BTRC: variants seen among roughly 807,000 people sequenced by gnomAD.
BTRC encodes the protein beta-transducin repeat containing E3 ubiquitin protein ligase, also known as F-box/WD repeat-containing protein 1A.
BTRC carries 42 observed loss-of-function variants against 85.5 expected under a neutral mutation model. The observed-to-expected ratio is 0.49, with a 90% CI of 0.38 to 0.64. BTRC has a LOEUF of 0.64. BTRC is among the 30% of genes least tolerant of loss of function. The pLI is 0.00. For synonymous variants in BTRC, 255 were observed against 263.3 expected, an observed-to-expected ratio of 0.97 and a Z score of 0.30; for missense variants, 594 against 743.5, an observed-to-expected ratio of 0.80 and a Z score of 2.34.
intron 3 of BTRC, among the ~76,000 whole-genome samples, chr10:101,471,303 G>A (rs1218489401): frequency 6.6e-6 from 1 of 152,076 alleles, no homozygotes. Context: ...TGGGAGGATC[G>A]CTGGAGCCCA....
intron 11 of BTRC, among the ~76,000 whole-genome samples, chr10:101,536,155 G>C (rs553113656): frequency 6.6e-6 from 1 of 152,310 alleles, no homozygotes; most frequent in Admixed American, 6.5e-5. Flanking sequence ...AGAGGGGGAG[G>C]TGCTTTGTGA....
In BTRC at chr10:101,423,951, C is replaced by T. The variant is rs773687234; in HGVS notation, c.49-6394C>T. Among the ~76,000 whole-genome samples the T allele has an allele frequency of 1.8e-4, 27 of 152,108 alleles. 1 individual carries two copies. Among genetic ancestry groups the T allele is most frequent in the South Asian group, 8.3e-4 (4 of 4,824 alleles). ...CAGCTTTTAGAATCCTTATTTTAGC[C>T]GGGTGAGGTGGCTCGTGCCTGTAAT... is the stretch of plus-strand genomic sequence containing the variant. On this transcript the variant is annotated intron_variant, in intron 1 of 14. Transcript: ENST00000370187.
At chr10:101,409,767 T>C (rs185114200) in intron 1 of BTRC, among the ~76,000 whole-genome samples, 1 of 152,372 alleles carries the variant, frequency 6.6e-6, no homozygotes, top group East Asian at 1.9e-4. Context: ...AAAAATGTCA[T>C]TGTGCAGTGC....
intron 13 of BTRC, among the ~76,000 whole-genome samples, chr10:101,539,897 T>A (rs2062440605): frequency 6.6e-6 from 1 of 152,222 alleles, no homozygotes; most frequent in South Asian, 2.1e-4. Context: ...CTCTAATGAT[T>A]AATAATGTCA....
intron 1 of BTRC, among the ~76,000 whole-genome samples, chr10:101,373,188 T>C (rs1942689338): frequency 6.6e-6 from 1 of 152,242 alleles, no homozygotes; most frequent in South Asian, 2.1e-4. Flanking sequence ...AACATGTGAA[T>C]ACTTTTTCCT....
chr10:101,447,990 T>G (rs992010936), intron 2 of BTRC, among the ~76,000 whole-genome samples: 1 of 152,146 alleles, frequency 6.6e-6, no homozygotes, highest in Non-Finnish European at 1.5e-5. Context: ...GGGGTAATTT[T>G]GAGAACAGAA....
chr10:101,456,182 GAA>G (rs1945078419), intron 2 of BTRC, among the ~76,000 whole-genome samples: 1 of 147,952 alleles, frequency 6.8e-6, no homozygotes, highest in Non-Finnish European at 1.5e-5. Flanking sequence ...AAAAAAAAAA[GAA>G]TGATGATTGC....
chr10:101,521,821 C>T lies in BTRC; in HGVS notation c.507C>T (p.Asn169=), dbSNP rs766389668. 3 of 1,613,826 alleles carry T rather than the reference C, an allele frequency of 1.9e-6. No individual in the cohort carries two copies. The highest frequency in any genetic ancestry group is 2.2e-5 in the South Asian group (2 of 91,076). ...GTCATTACCAACATGGGCACATAAA[C>T]TCGTATCTTAAACCTATGTTGCAGA... ...QMCHYQHGHI[N]SYLKPMLQRD... Residue 169 remains asparagine, a synonymous_variant, in exon 5 of 15, where the codon AAC becomes AAT. Coordinates refer to ENST00000370187, the MANE Select transcript of BTRC (RefSeq NM_033637.4).
At chr10:101,520,888 G>A (rs2062094820) in intron 4 of BTRC, among the ~76,000 whole-genome samples, 1 of 152,108 alleles carries the variant, frequency 6.6e-6, no homozygotes, top group Admixed American at 6.6e-5. Context: ...TTCTCCGCCT[G>A]GGAGGTGGAA....
chr10:101,503,232 A>G (rs1246569781), intron 4 of BTRC, among the ~76,000 whole-genome samples: 2 of 152,146 alleles, frequency 1.3e-5, no homozygotes, highest in African/African-American at 4.8e-5. Context: ...TTTGAGTCTC[A>G]GTGCATATGT....
chr10:101,550,907 A>G lies in BTRC; in HGVS notation c.*31+16A>G. ...ACTTGCCCAGGTATCGAAATCGATT[A>G]TGTACATAACACTGTGGGTAGGAGA... is the stretch of plus-strand genomic sequence containing the variant. On this transcript the variant is annotated intron_variant, in intron 14 of 14. Coordinates refer to ENST00000370187, the MANE Select transcript of BTRC (RefSeq NM_033637.4). 6.3e-7 allele frequency: 1 copy of G among 1,582,388 alleles called. No homozygotes were observed. Among genetic ancestry groups the G allele is most frequent in the Non-Finnish European group, 8.7e-7 (1 of 1,154,728 alleles).
intron 2 of BTRC, among the ~76,000 whole-genome samples, chr10:101,456,299 C>T (rs1945081784): frequency 6.6e-6 from 1 of 151,580 alleles, no homozygotes; most frequent in African/African-American, 2.4e-5. Context: ...TGGGTCTGGA[C>T]TAGAGTAGAA....
chr10:101,457,984 A>G (rs967080147), intron 2 of BTRC, among the ~76,000 whole-genome samples: 5 of 152,138 alleles, frequency 3.3e-5, no homozygotes, highest in African/African-American at 1.2e-4. Context: ...ACATACATCC[A>G]TTTATGTATT....
At chr10:101,391,919 A>G (rs1248816697) in intron 1 of BTRC, among the ~76,000 whole-genome samples, 1 of 152,224 alleles carries the variant, frequency 6.6e-6, no homozygotes, top group African/African-American at 2.4e-5. Flanking sequence ...TAAAGTGACT[A>G]ATGAAGGGCT....
chr10:101,398,550 G>C (rs1943420819), intron 1 of BTRC, among the ~76,000 whole-genome samples: 1 of 152,108 alleles, frequency 6.6e-6, no homozygotes, highest in Non-Finnish European at 1.5e-5. Flanking sequence ...TGATCTGCCT[G>C]CCTTGACCTC....
intron 1 of BTRC, among the ~76,000 whole-genome samples, chr10:101,388,526 G>T (rs926346428): frequency 2.0e-5 from 3 of 151,830 alleles, no homozygotes; most frequent in African/African-American, 7.3e-5. Context: ...GTCTCATTCT[G>T]TTGCCCAGGC....
intron 4 of BTRC, among the ~76,000 whole-genome samples, chr10:101,503,294 T>C (rs1210940489): frequency 6.6e-6 from 1 of 152,240 alleles, no homozygotes; most frequent in Non-Finnish European, 1.5e-5. Context: ...AAAGCAGTCC[T>C]GGTCTTCTAC....
At chr10:101,529,239 A>C (rs991313563) in intron 6 of BTRC, among the ~76,000 whole-genome samples, 1 of 152,246 alleles carries the variant, frequency 6.6e-6, no homozygotes, top group African/African-American at 2.4e-5. Flanking sequence ...TTCAGTACCT[A>C]GCCACCTCTT....
chr10:101,529,258 A>G (rs1043882076), intron 6 of BTRC, among the ~76,000 whole-genome samples: 2 of 152,214 alleles, frequency 1.3e-5, no homozygotes, highest in African/African-American at 4.8e-5. Flanking sequence ...TTTCTGTAAC[A>G]CTTTGATTTG....
Sources: allele counts gnomAD v4.1 joint callset (sites outside exome capture counted in the v4.1 genomes callset), GRCh38; gene constraint gnomAD v4.1.1; transcripts MANE v1.5; gene names NCBI Gene and HGNC (gene_info 2026-07-23, HGNC 2026-07-21).